Variants in RAD21L1 observed in about 807,000 individuals in gnomAD.
RAD21L1 encodes the protein RAD21 cohesin complex component like 1.
RAD21L1 carries 47 observed loss-of-function variants against 69.0 expected under a neutral mutation model. The ratio of observed to expected loss-of-function variants is 0.68; its 90% CI spans 0.54 to 0.87. RAD21L1 has a LOEUF of 0.87. Ranked by LOEUF, RAD21L1 falls within the 40% of genes least tolerant of loss-of-function variation. The pLI is 0.00. For synonymous variants in RAD21L1, 177 were observed against 205.8 expected (o/e 0.86, Z 1.20); for missense variants, 583 against 647.6 (o/e 0.90, Z 1.08).
Position 1,228,558 on chromosome 20 carries a change from T to C in RAD21L1, c.105T>C (p.Cys35=). ...TCACAAAGGCCCATGTATTTGAATG[T>C]AATCTAGAGATAACCATTGAAAAAA... ...KKLTKAHVFE[C]NLEITIEKIL... Residue 35 remains cysteine (C), a synonymous_variant, in exon 2 of 14, where the codon TGT becomes TGC. Transcript: ENST00000683101. 1 of 1,549,160 alleles carries C rather than the reference T, an allele frequency of 6.5e-7. No individual in the cohort carries two copies. The highest frequency in any genetic ancestry group is 8.7e-7 in the Non-Finnish European group (1 of 1,145,824).
chr20:1,239,828 G>A (rs1395683663), intron 7 of RAD21L1, among the ~76,000 whole-genome samples: 1 of 152,102 alleles, frequency 6.6e-6, no homozygotes, highest in Non-Finnish European at 1.5e-5. Flanking sequence ...AGAATTAAAA[G>A]TACAATTAGC....
chr20:1,227,916 G>A (rs938424120), intron 1 of RAD21L1, among the ~76,000 whole-genome samples: 1 of 152,024 alleles, frequency 6.6e-6, no homozygotes, highest in African/African-American at 2.4e-5. Context: ...TTAAAATATT[G>A]TTGAATAAAC....
rs1293327649 is a variant in RAD21L1 at position 1,238,087 on chromosome 20, C to T, written c.519C>T (p.Asp173=). Residue 173 remains aspartate, a synonymous_variant, in exon 6 of 14, where the codon GAC becomes GAT. Transcript: ENST00000683101. ...EILRRHSFFD[D]NILLNSSGPL... ...TCAGAAGACATAGCTTCTTTGATGACAACATATTACTGAATTCCAGTGGTC... is the reference window on the plus strand; with the variant it reads ...TCAGAAGACATAGCTTCTTTGATGATAACATATTACTGAATTCCAGTGGTC... The T allele has an allele frequency of 1.0e-5, 16 of 1,538,068 alleles. No homozygotes were observed. The Admixed American group carries it at 3.1e-4, about 30-fold the overall frequency.
chr20:1,240,914 T>TA (rs2087594699), intron 8 of RAD21L1, among the ~76,000 whole-genome samples: 1 of 152,204 alleles, frequency 6.6e-6, no homozygotes, highest in Non-Finnish European at 1.5e-5. Flanking sequence ...CAGCAGCAGT[T>TA]ACGGTGCTAG....
chr20:1,244,269 CA>C, intron 11 of RAD21L1, 99 bp downstream of exon 11: 1 of 805,996 alleles, frequency 1.2e-6, no homozygotes, highest in Non-Finnish European at 1.8e-6. Flanking sequence ...TTGTGTAGTT[CA>C]TATTTCATTT....
chr20:1,240,614 G>A (rs1280719318), intron 8 of RAD21L1, among the ~76,000 whole-genome samples, 180 bp downstream of exon 8: 1 of 152,096 alleles, frequency 6.6e-6, no homozygotes, highest in Non-Finnish European at 1.5e-5. Flanking sequence ...GGTAGGAAGC[G>A]GGACTCAACT....
At chr20:1,242,041 G>C (rs895833788) in intron 8 of RAD21L1, among the ~76,000 whole-genome samples, 3 of 152,128 alleles carry the variant, frequency 2.0e-5, no homozygotes, top group Non-Finnish European at 4.4e-5. Flanking sequence ...AGCATTTTAA[G>C]GAACCTCCAA....
chr20:1,233,264 G>C (rs1244050887), intron 4 of RAD21L1, among the ~76,000 whole-genome samples: 1 of 152,212 alleles, frequency 6.6e-6, no homozygotes, highest in East Asian at 1.9e-4. Context: ...TGTATAGATG[G>C]AACTTCAACC....
At chr20:1,229,332 T>A (rs2087337664) in intron 2 of RAD21L1, among the ~76,000 whole-genome samples, 1 of 152,170 alleles carries the variant, frequency 6.6e-6, no homozygotes, top group Non-Finnish European at 1.5e-5. Context: ...GAGGTTGTTG[T>A]CAAAATTAAA....
Position 1,231,609 on chromosome 20 carries a change from C to CA in RAD21L1, c.362dup (p.Asn121LysfsTer6). ...AGAAGAATTTCATGATTTTGACACC[C>CA]AAAATATGAAGTAAAATATTTTATT... On this transcript the variant is annotated frameshift_variant, in exon 4 of 14. Transcript: ENST00000683101. LOFTEE classifies it high-confidence loss of function. 1.4e-6 allele frequency: 2 copies of CA among 1,412,692 alleles called. No homozygotes were observed. Among genetic ancestry groups the CA allele is most frequent in the Non-Finnish European group, 1.9e-6 (2 of 1,027,492 alleles). The allele number at this position is 1,412,692 out of a possible 1,614,324, so 87.5% of individuals were successfully genotyped here.
At chr20:1,227,464 G>A (rs1182408145) in intron 1 of RAD21L1, among the ~76,000 whole-genome samples, 1 of 152,194 alleles carries the variant, frequency 6.6e-6, no homozygotes, top group Non-Finnish European at 1.5e-5. Context: ...GTTTACCTAA[G>A]TTTTTAATTC....
At chr20:1,245,706 C>T (rs977007996) in intron 11 of RAD21L1, among the ~76,000 whole-genome samples, 1 of 152,050 alleles carries the variant, frequency 6.6e-6, no homozygotes, top group African/African-American at 2.4e-5. Flanking sequence ...TTCTTCTTCC[C>T]TTTTGCCCGT....
intron 13 of RAD21L1, among the ~76,000 whole-genome samples, chr20:1,249,754 G>C (rs1600231203): frequency 1.3e-5 from 2 of 152,188 alleles, no homozygotes; most frequent in South Asian, 4.1e-4. Flanking sequence ...ACTAGCAGCT[G>C]CTGCCATAAA....
intron 8 of RAD21L1, among the ~76,000 whole-genome samples, chr20:1,242,014 A>G (rs1057036512): frequency 2.6e-5 from 4 of 152,160 alleles, no homozygotes; most frequent in Non-Finnish European, 4.4e-5. Context: ...TGTTGTAGAA[A>G]GTTATTCTAT....
chr20:1,252,105 A>G (rs972300444), intron 13 of RAD21L1, among the ~76,000 whole-genome samples: 2 of 152,212 alleles, frequency 1.3e-5, no homozygotes, highest in South Asian at 2.1e-4. Context: ...TTTCATGGGT[A>G]CAATGAAAAA....
intron 13 of RAD21L1, among the ~76,000 whole-genome samples, chr20:1,251,196 A>G (rs1329665325): frequency 6.6e-6 from 1 of 152,282 alleles, no homozygotes; most frequent in East Asian, 1.9e-4. Context: ...TATTTCTCTC[A>G]GATGTTGAAG....
chr20:1,239,552 A>C, intron 7 of RAD21L1, 145 bp downstream of exon 7: 2 of 550,950 alleles, frequency 3.6e-6, no homozygotes, highest in Non-Finnish European at 6.4e-6. Context: ...TAGACAATAT[A>C]AAATAGGAAA....
chr20:1,253,856 G>C (rs984117778), intron 13 of RAD21L1, among the ~76,000 whole-genome samples: 17 of 152,108 alleles, frequency 1.1e-4, no homozygotes, highest in Non-Finnish European at 2.4e-4. Context: ...CAACACTATA[G>C]TACCTTTAAG....
At chr20:1,232,923 A>G (rs370657093) in intron 4 of RAD21L1, among the ~76,000 whole-genome samples, 1 of 152,196 alleles carries the variant, frequency 6.6e-6, no homozygotes, top group Non-Finnish European at 1.5e-5. Context: ...CTCCACCATC[A>G]TAAGTGAGAT....
Sources: gnomAD v4.1 joint callset for allele counts (sites outside exome capture counted in the v4.1 genomes callset) on GRCh38, gnomAD v4.1.1 for gene constraint, MANE v1.5 for transcripts, NCBI Gene and HGNC (gene_info 2026-07-23, HGNC 2026-07-21) for gene names.